ZNF214: variants seen among roughly 807,000 people sequenced by gnomAD.
ZNF214 encodes zinc finger protein 214, also known as BWSCR2-associated zinc finger protein 1.
ZNF214 carries 43 observed loss-of-function variants against 53.9 expected under a neutral mutation model. The observed-to-expected ratio is 0.80, with a 90% confidence interval of 0.63 to 1.03. The LOEUF (loss-of-function observed/expected upper bound fraction) is 1.03. Ranked by LOEUF, ZNF214 falls within the 50% of genes least tolerant of loss-of-function variation. ZNF214 has a pLI of 0.00. For synonymous variants in ZNF214, 217 were observed against 229.5 expected (o/e 0.95, Z 0.49); for missense variants, 724 against 719.1 (o/e 1.01, Z -0.08).
intron 1 of ZNF214, among the ~76,000 whole-genome samples, chr11:7,008,939 CAT>C (rs1170022449): frequency 6.6e-6 from 1 of 151,932 alleles, no homozygotes; most frequent in Admixed American, 6.6e-5. Context: ...TCAGAGATGA[CAT>C]AAACAAATGG....
chr11:7,014,160 A>G (rs560829398), intron 1 of ZNF214, among the ~76,000 whole-genome samples: 1 of 152,366 alleles, frequency 6.6e-6, no homozygotes, highest in African/African-American at 2.4e-5. Flanking sequence ...TCTGTAGAGG[A>G]TATGACTGCA....
chr11:7,018,018 A>G (rs1279808572), intron 1 of ZNF214, among the ~76,000 whole-genome samples: 2 of 152,154 alleles, frequency 1.3e-5, no homozygotes, highest in Admixed American at 1.3e-4. Flanking sequence ...TATATATACT[A>G]ATCTTTTTAT....
In ZNF214 at chr11:6,999,887, T is replaced by C. The variant is rs762192582; in HGVS notation, c.1796A>G (p.Asn599Ser). The change falls in exon 3 of 3, where the codon AAT becomes AGT. Residue 599 changes from asparagine to serine, a missense_variant. Physicochemically the swap from Asn to Ser is conservative, Grantham distance 46. Transcript: ENST00000278314. Reference protein sequence around the residue: ...KGFDHNSHLHNNHRRGNL With the variant: ...KGFDHNSHLHSNHRRGNL ...TTATAAGTTTCCTCTTCTATGATTA[T>C]TGTGAAGATGTGAATTATGATCAAA... is the stretch of plus-strand genomic sequence containing the variant. 4 of 1,609,744 alleles carry C rather than the reference T, an allele frequency of 2.5e-6. No homozygotes were observed. In the South Asian group the frequency reaches 3.3e-5, roughly 13 times the overall value.
At position 6,999,039 on chromosome 11, in the gene ZNF214, A is replaced by C. The variant is rs973265040; in HGVS notation, c.*823T>G. ...TTACCACTCTGTTCTACTGAGATTAAATAAAATTCTACTGCTTGGATCTCT... is the reference window on the plus strand; with the variant it reads ...TTACCACTCTGTTCTACTGAGATTACATAAAATTCTACTGCTTGGATCTCT... On this transcript the variant is annotated 3_prime_UTR_variant, in exon 3 of 3. Transcript: ENST00000278314. Among the ~76,000 whole-genome samples, 3 of 151,978 alleles carry C rather than the reference A, an allele frequency of 2.0e-5. No individual in the cohort carries two copies. The highest frequency in any genetic ancestry group is 7.2e-5 in the African/African-American group (3 of 41,414).
Position 6,999,909 on chromosome 11 carries a change from C to A in ZNF214, c.1774G>T (p.Asp592Tyr). 6.2e-7 allele frequency: 1 copy of A among 1,612,166 alleles called. No homozygotes were observed. Among genetic ancestry groups the A allele is most frequent in the South Asian group, 1.1e-5 (1 of 90,934 alleles). Residue 592 changes from aspartate to tyrosine, a missense_variant, in exon 3 of 3, where the codon GAT becomes TAT. Coordinates refer to ENST00000278314, the MANE Select transcript of ZNF214 (RefSeq NM_013249.4). ...YKCREYYKGF[D>Y]HNSHLHNNHR... ...TTATTGTGAAGATGTGAATTATGAT[C>A]AAATCCCTTATAATATTCACGGCAT... is the stretch of plus-strand genomic sequence containing the variant.
rs556511396 is a variant in ZNF214 at position 6,999,617 on chromosome 11, TTAATA to T, written c.*240_*244del. 37 of 298,914 alleles carry T rather than the reference TTAATA, an allele frequency of 1.2e-4. No individual in the cohort carries two copies. Among genetic ancestry groups the T allele is most frequent in the African/African-American group, 6.9e-4 (32 of 46,332 alleles). 18.5% of individuals were successfully genotyped at this position (298,914 alleles called of 1,614,324 possible). On this transcript the variant is annotated 3_prime_UTR_variant, in exon 3 of 3. Transcript: ENST00000278314. ...AATGAAGAGTTTTCTCCTTAAATGT[TTAATA>T]TATTTATGACTGTATTATATTTATA...
chr11:6,999,125 T>TA lies in ZNF214; in HGVS notation c.*736dup, dbSNP rs1392514150. Among the ~76,000 whole-genome samples, 8 of 152,020 alleles carry TA rather than the reference T, an allele frequency of 5.3e-5. No homozygotes were observed. Among genetic ancestry groups the TA allele is most frequent in the Non-Finnish European group, 8.8e-5 (6 of 67,884 alleles). On this transcript the variant is annotated 3_prime_UTR_variant, in exon 3 of 3. Transcript: ENST00000278314. ...ACTTTTGTCCATACCCTTCACACCT[T>TA]AGAGAAAATTCTGTACTTCTTGTTG... is the stretch of plus-strand genomic sequence containing the variant.
In ZNF214 at chr11:7,000,221, G is replaced by A; in HGVS notation, c.1462C>T (p.His488Tyr). Residue 488 changes from histidine (H) to tyrosine (Y), a missense_variant, in exon 3 of 3, where the codon CAT becomes TAT. His to Tyr is a moderately conservative substitution (Grantham distance 83). Transcript: ENST00000278314. ...GFSKSSKLHTHQRVHTGEKPY... is the reference protein window; with the variant it reads ...GFSKSSKLHTYQRVHTGEKPY... Reference sequence around the variant, plus strand: ...TTCTCTCCAGTATGTACTCTTTGATGAGTGTGAAGCTTTGAACTCTTACTG... The same window carrying A: ...TTCTCTCCAGTATGTACTCTTTGATAAGTGTGAAGCTTTGAACTCTTACTG... 2 of 1,613,310 alleles carry A rather than the reference G, an allele frequency of 1.2e-6. No individual in the cohort carries two copies. Among genetic ancestry groups the A allele is most frequent in the Non-Finnish European group, 1.7e-6 (2 of 1,179,612 alleles).
At chr11:7,005,122 GATA>G (rs147787980) in intron 1 of ZNF214, among the ~76,000 whole-genome samples, 6,380 of 151,596 alleles carry the variant, frequency 0.042, 442 homozygotes, top group African/African-American at 0.14. Flanking sequence ...ATTTATATAT[GATA>G]ATGTCTATAT....
rs2133385559 is a variant in ZNF214 at position 7,002,589 on chromosome 11, A to G, written c.127+120T>C. 2.6e-6 allele frequency: 3 copies of G among 1,164,880 alleles called. No individual in the cohort carries two copies. In the East Asian group the frequency reaches 8.1e-5, roughly 32 times the overall value. 72.2% of individuals were successfully genotyped at this position (1,164,880 alleles called of 1,614,324 possible). On this transcript the variant is annotated intron_variant, in intron 2 of 2. Transcript: ENST00000278314. ...TCTTCTATTTGTAACATGATTTAAGAAACATTTTTGAGAATATCTCTTCCA... is the reference window on the plus strand; with the variant it reads ...TCTTCTATTTGTAACATGATTTAAGGAACATTTTTGAGAATATCTCTTCCA...
Position 7,001,391 on chromosome 11 carries a change from GCTGTGTGAGGTCTTTGGAAT to G in ZNF214, c.272_291del (p.Asp91AlafsTer23). 6.2e-7 allele frequency: 1 copy of G among 1,613,258 alleles called. No homozygotes were observed. The highest frequency in any genetic ancestry group is 8.5e-7 in the Non-Finnish European group (1 of 1,179,416). ...CATTCCTGACACTGGGAACGATCTTGCTGTGTGAGGTCTTTGGAATCTGTCCCTTGAACAGTTTCCCCATA... is the reference window on the plus strand; with the variant it reads ...CATTCCTGACACTGGGAACGATCTTGCTGTCCCTTGAACAGTTTCCCCATA... On this transcript the variant is annotated frameshift_variant, in exon 3 of 3. Transcript: ENST00000278314. LOFTEE classifies it high-confidence loss of function.
At chr11:7,007,832 A>G (rs1851508001) in intron 1 of ZNF214, among the ~76,000 whole-genome samples, 1 of 149,544 alleles carries the variant, frequency 6.7e-6, no homozygotes, top group Non-Finnish European at 1.5e-5. Flanking sequence ...TCATGAATAC[A>G]TAGTACTATA....
Position 7,000,584 on chromosome 11 carries a change from A to G in ZNF214, c.1099T>C (p.Phe367Leu). 1 of 1,611,032 alleles carries G rather than the reference A, an allele frequency of 6.2e-7. No individual in the cohort carries two copies. Residue 367 changes from phenylalanine to leucine, a missense_variant, in exon 3 of 3, where the codon TTT becomes CTT. Transcript: ENST00000278314. ...ACATGAAGTACTGAACTCCGATTAA[A>G]ACTCTTACCACACTGATTACATTTA... ...PFKCNQCGKSFNRSSVLHVHQ... is the reference protein window; with the variant it reads ...PFKCNQCGKSLNRSSVLHVHQ...
chr11:6,997,792 C>T lies in ZNF214; in HGVS notation c.*2070G>A, dbSNP rs886783436. Among the ~76,000 whole-genome samples, 2 of 151,818 alleles carry T rather than the reference C, an allele frequency of 1.3e-5. No individual in the cohort carries two copies. The highest frequency in any genetic ancestry group is 2.9e-5 in the Non-Finnish European group (2 of 67,858). On this transcript the variant is annotated 3_prime_UTR_variant, in exon 3 of 3. Coordinates refer to ENST00000278314, the MANE Select transcript of ZNF214 (RefSeq NM_013249.4). ...AGTCCCATGCAATATTTGGGACACC[C>T]TTATACTAAAACAATTATTCTTTGC...
intron 2 of ZNF214, 129 bp from the exon 3 acceptor site, chr11:7,001,684 ACT>A (rs1228960768): frequency 9.7e-7 from 1 of 1,029,334 alleles, no homozygotes; most frequent in Non-Finnish European, 1.4e-6. Context: ...AAGGGTTATG[ACT>A]CTGCCTGCTC....
In ZNF214 at chr11:6,999,691, T is replaced by G. The variant is rs975133051; in HGVS notation, c.*171A>C. On this transcript the variant is annotated 3_prime_UTR_variant, in exon 3 of 3. Transcript: ENST00000278314. ...ACTATAATTTTAAATATATAGGGTT[T>G]TTTCTAAAGATCTCCTTTTGAAGCA... is the stretch of plus-strand genomic sequence containing the variant. 6 of 644,036 alleles carry G rather than the reference T, an allele frequency of 9.3e-6. No homozygotes were observed. Among genetic ancestry groups the G allele is most frequent in the African/African-American group, 9.1e-5 (5 of 55,034 alleles). The allele number at this position is 644,036 out of a possible 1,614,324, so 39.9% of individuals were successfully genotyped here. A position where few individuals can be genotyped will look rare whatever the true frequency, so the allele number is the denominator to read the frequency against.
intron 1 of ZNF214, among the ~76,000 whole-genome samples, chr11:7,014,006 C>T (rs1379972478): frequency 6.6e-6 from 1 of 152,124 alleles, no homozygotes. Context: ...CAAAACAAAG[C>T]AGAAGACATA....
intron 1 of ZNF214, among the ~76,000 whole-genome samples, chr11:7,016,230 G>A (rs777513048): frequency 2.0e-5 from 3 of 152,110 alleles, no homozygotes; most frequent in Non-Finnish European, 4.4e-5. Context: ...CACAGCAGCT[G>A]TTATTTCTCC....
intron 1 of ZNF214, among the ~76,000 whole-genome samples, chr11:7,008,208 G>A (rs1851519958): frequency 6.6e-6 from 1 of 152,114 alleles, no homozygotes; most frequent in South Asian, 2.1e-4. Context: ...CCAAGTGGGC[G>A]GATTGCTTGA....
Sources: allele counts gnomAD v4.1 joint callset (sites outside exome capture counted in the v4.1 genomes callset), GRCh38; gene constraint gnomAD v4.1.1; transcripts MANE v1.5; gene names NCBI Gene and HGNC (gene_info 2026-07-23, HGNC 2026-07-21).